The following GORASP2 variants were observed in gnomAD, a reference collection of about 807,000 sequenced individuals.
GORASP2 encodes the protein Golgi reassembly-stacking protein 2.
In GORASP2, 22 loss-of-function variants were observed where a neutral mutation model predicts 45.7. The observed-to-expected ratio is 0.48, with a 90% CI of 0.34 to 0.69. GORASP2 has a LOEUF of 0.69. Among genes scored for constraint, GORASP2 ranks in the 30% least tolerant of loss-of-function variants. GORASP2 has a pLI of 0.01. For missense variants in GORASP2, 491 were observed against 562.7 expected (o/e 0.87, Z 1.29); for synonymous variants, 221 against 215.6 (o/e 1.02, Z -0.22).
chr2:170,931,786 G>T (rs563267247), intron 1 of GORASP2, among the ~76,000 whole-genome samples: 2 of 152,292 alleles, frequency 1.3e-5, no homozygotes, highest in Admixed American at 1.3e-4. Flanking sequence ...GCTATGAGCA[G>T]TGTAGTTCCT....
intron 1 of GORASP2, among the ~76,000 whole-genome samples, chr2:170,935,364 C>T (rs377674327): frequency 8.5e-5 from 13 of 152,058 alleles, no homozygotes; most frequent in East Asian, 1.9e-4. Context: ...AAGTGATTCT[C>T]CTGCCTCAGC....
chr2:170,963,738 G>C (rs992081786), intron 9 of GORASP2, among the ~76,000 whole-genome samples: 1 of 152,008 alleles, frequency 6.6e-6, no homozygotes, highest in African/African-American at 2.4e-5. Flanking sequence ...TACCTCCCAG[G>C]ATCAAGCCAT....
Position 170,951,319 on chromosome 2 carries a change from C to G in GORASP2, c.436-9C>G. ...ACGTGAAACATTTTCTCCTGTGACA[C>G]TTTTGCAGTCTGAAGATCTATTCAG... On this transcript the variant is annotated splice_polypyrimidine_tract_variant and intron_variant, in intron 4 of 9. Transcript: ENST00000234160. 1.9e-6 allele frequency: 3 copies of G among 1,589,726 alleles called. No homozygotes were observed. The highest frequency in any genetic ancestry group is 2.6e-6 in the Non-Finnish European group (3 of 1,170,958).
Position 170,966,398 on chromosome 2 carries a change from G to A in GORASP2, c.*268G>A, listed in dbSNP as rs999688991. 2.8e-5 allele frequency: 14 copies of A among 502,926 alleles called. No homozygotes were observed. The highest frequency in any genetic ancestry group is 4.6e-5 in the Non-Finnish European group (13 of 279,902). 31.2% of individuals were successfully genotyped at this position (502,926 alleles called of 1,614,324 possible). A position where few individuals can be genotyped will look rare whatever the true frequency, so the allele number is the denominator to read the frequency against. ...GGCTTGCTGCCAGGCTTGCACTGCCGTTCCTGGGGGTGTGCATCTTCGGGA... is the reference window on the plus strand; with the variant it reads ...GGCTTGCTGCCAGGCTTGCACTGCCATTCCTGGGGGTGTGCATCTTCGGGA... On this transcript the variant is annotated 3_prime_UTR_variant, in exon 10 of 10. Transcript: ENST00000234160.
At chr2:170,957,527 C>T (rs562716118) in intron 7 of GORASP2, among the ~76,000 whole-genome samples, 168 of 152,224 alleles carry the variant, frequency 1.1e-3, no homozygotes, top group African/African-American at 1.9e-3. Context: ...CTGCCCTCCT[C>T]GGCCTTCCAA....
intron 1 of GORASP2, among the ~76,000 whole-genome samples, chr2:170,934,500 T>C (rs942155017): frequency 2.6e-5 from 4 of 152,000 alleles, no homozygotes; most frequent in African/African-American, 9.7e-5. Flanking sequence ...CCTCAAGTGA[T>C]CCACCCGCCT....
At chr2:170,931,711 C>T (rs1271116565) in intron 1 of GORASP2, among the ~76,000 whole-genome samples, 5 of 152,028 alleles carry the variant, frequency 3.3e-5, no homozygotes, top group Admixed American at 3.3e-4. Context: ...CCATTTTTTT[C>T]ATTATTTTTC....
chr2:170,929,463 G>T, intron 1 of GORASP2, 60 bp downstream of exon 1: 1 of 1,247,176 alleles, frequency 8.0e-7, no homozygotes. Context: ...GCCGCGGGGA[G>T]GCGGAGGCCC....
chr2:170,955,128 T>C (rs1704395142), intron 6 of GORASP2, among the ~76,000 whole-genome samples: 1 of 151,714 alleles, frequency 6.6e-6, no homozygotes, highest in African/African-American at 2.4e-5. Flanking sequence ...CAAAGGAAGC[T>C]CAGCAGGAGG....
intron 5 of GORASP2, among the ~76,000 whole-genome samples, chr2:170,952,672 C>G (rs918683107): frequency 6.6e-6 from 1 of 152,148 alleles, no homozygotes; most frequent in Non-Finnish European, 1.5e-5. Flanking sequence ...AAATCCCAGT[C>G]CAGTGAGAAT....
chr2:170,936,680 A>G, intron 1 of GORASP2: 1 of 1,287,536 alleles, frequency 7.8e-7, no homozygotes. Context: ...TAAGCCGGGC[A>G]TAATGGTGTG....
At chr2:170,961,994 G>A (rs775083797) in intron 8 of GORASP2, among the ~76,000 whole-genome samples, 2 of 152,154 alleles carry the variant, frequency 1.3e-5, no homozygotes, top group African/African-American at 2.4e-5. Context: ...CCCAGCCAGC[G>A]GCCACCTACT....
At chr2:170,929,678 G>C (rs749076328) in intron 1 of GORASP2, 10 of 631,572 alleles carry the variant, frequency 1.6e-5, no homozygotes, top group African/African-American at 1.3e-4. Flanking sequence ...CCCTGGGAAG[G>C]GGGGACAACC....
chr2:170,933,366 A>T (rs1703872710), intron 1 of GORASP2, among the ~76,000 whole-genome samples: 1 of 152,176 alleles, frequency 6.6e-6, no homozygotes, highest in African/African-American at 2.4e-5. Context: ...TTAATATCAA[A>T]TTTTTGCCTA....
chr2:170,950,438 G>A (rs1219883889), intron 4 of GORASP2, 148 bp downstream of exon 4: 6 of 505,176 alleles, frequency 1.2e-5, no homozygotes, highest in Admixed American at 4.1e-5. Flanking sequence ...GGTGTTAAAT[G>A]GAACATCTGG....
chr2:170,932,479 C>T (rs1202000301), intron 1 of GORASP2, among the ~76,000 whole-genome samples: 1 of 152,214 alleles, frequency 6.6e-6, no homozygotes, highest in Non-Finnish European at 1.5e-5. Flanking sequence ...ATTATAAGTA[C>T]ATATTTACAA....
chr2:170,939,885 A>G (rs1704033976), intron 1 of GORASP2, among the ~76,000 whole-genome samples: 1 of 152,170 alleles, frequency 6.6e-6, no homozygotes, highest in African/African-American at 2.4e-5. Context: ...CATATAGTGC[A>G]TGAGGATTTA....
chr2:170,961,083 C>T (rs148035630), intron 7 of GORASP2, among the ~76,000 whole-genome samples: 9 of 152,184 alleles, frequency 5.9e-5, no homozygotes, highest in East Asian at 1.9e-4. Context: ...TGTTAGTACA[C>T]GTTTGTGTTA....
intron 1 of GORASP2, among the ~76,000 whole-genome samples, chr2:170,946,768 CA>C (rs10692734): frequency 1.0e-4 from 11 of 105,080 alleles, no homozygotes; most frequent in African/African-American, 2.1e-4. Context: ...CATGCCTCTA[CA>C]AAAAAAAAAA....
Sources: gnomAD v4.1 joint callset for allele counts (sites outside exome capture counted in the v4.1 genomes callset) on GRCh38, gnomAD v4.1.1 for gene constraint, MANE v1.5 for transcripts, NCBI Gene and HGNC (gene_info 2026-07-23, HGNC 2026-07-21) for gene names.